Variants in ATP7A observed in about 807,000 individuals in gnomAD.
The protein encoded by ATP7A is copper-transporting ATPase 1.
Under a neutral mutation model 83.5 loss-of-function variants are expected in ATP7A, and 7 were observed. The ratio of observed to expected loss-of-function variants is 0.08; its 90% CI spans 0.05 to 0.16. ATP7A has a LOEUF of 0.16. Ranked by LOEUF, ATP7A falls within the 10% of genes least tolerant of loss-of-function variation. ATP7A has a pLI of 1.00. For synonymous variants in ATP7A, 354 were observed against 395.2 expected (o/e 0.90, Z 1.24); for missense variants, 940 against 1,120.8 (o/e 0.84, Z 2.30).
intron 2 of ATP7A, among the ~76,000 whole-genome samples, chrX:77,986,147 T>A (rs988562328): frequency 9.8e-5 from 11 of 111,888 alleles, no homozygotes; most frequent in Admixed American, 6.7e-4. Flanking sequence ...CTGTTTTGGA[T>A]CATTTATGCT....
chrX:77,931,760 G>A (rs2077278823), intron 1 of ATP7A, among the ~76,000 whole-genome samples: 1 of 104,391 alleles, frequency 9.6e-6, no homozygotes. Flanking sequence ...GCGGCTGGCC[G>A]GGTGGGGGGC....
At chrX:77,932,039 C>T (rs1277806945) in intron 1 of ATP7A, among the ~76,000 whole-genome samples, 2 of 105,476 alleles carry the variant, frequency 1.9e-5, no homozygotes, top group African/African-American at 7.0e-5. Context: ...GCTGGCCTGG[C>T]GGGGGCTGAC....
chrX:77,917,409 T>G (rs1215736829), intron 1 of ATP7A, among the ~76,000 whole-genome samples: 1 of 111,701 alleles, frequency 9.0e-6, no homozygotes, highest in African/African-American at 3.3e-5. Flanking sequence ...TGTTTAAGTT[T>G]AGAATTTTAT....
chrX:78,042,700 C>T lies in ATP7A; in HGVS notation c.3917C>T (p.Ser1306Phe). 8.3e-7 allele frequency: 1 copy of T among 1,211,644 alleles called. No individual in the cohort carries two copies. The highest frequency in any genetic ancestry group is 1.1e-6 in the Non-Finnish European group (1 of 895,524). ...VAMVGDGIND[S>F]PALAMANVGI... The stretch of plus-strand genomic sequence containing the variant: ...ATGGTGGGAGATGGAATCAATGACT[C>T]CCCAGCTCTGGCAATGGCTAATGTG... The change falls in exon 20 of 23, where the codon TCC becomes TTC. Residue 1306 changes from serine (S) to phenylalanine (F), a missense_variant. Physicochemically the swap from Ser to Phe is radical, Grantham distance 155. This residue lies in a region of ATP7A where 386 missense variants were observed against 502.2 expected (regional missense o/e 0.77). Coordinates refer to ENST00000341514, the MANE Select transcript of ATP7A (RefSeq NM_000052.7).
chrX:77,953,640 T>C lies in ATP7A; in HGVS notation c.-21-17981T>C, dbSNP rs1052544215. ...TTAGCCCCTGTTGGAAAGGCACATA[T>C]ATACTTGAGGCATATTTCTCACTTT... On this transcript the variant is annotated intron_variant, in intron 1 of 22. Coordinates refer to ENST00000341514, the MANE Select transcript of ATP7A (RefSeq NM_000052.7). 2.2e-4 allele frequency among the ~76,000 whole-genome samples: 25 copies of C among 112,384 alleles called. 1 individual carries two copies. Among genetic ancestry groups the C allele is most frequent in the African/African-American group, 6.8e-4 (21 of 30,901 alleles).
intron 1 of ATP7A, among the ~76,000 whole-genome samples, chrX:77,956,997 A>G (rs1453247245): frequency 9.2e-6 from 1 of 108,811 alleles, no homozygotes; most frequent in Non-Finnish European, 1.9e-5. Flanking sequence ...GAGTTTTGCC[A>G]TGTTGCCCAG....
At chrX:77,958,847 G>A (rs1423803204) in intron 1 of ATP7A, among the ~76,000 whole-genome samples, 1 of 95,245 alleles carries the variant, frequency 1.0e-5, no homozygotes, top group Non-Finnish European at 2.0e-5. Flanking sequence ...GGAATGCAAT[G>A]GCATGATCTC....
intron 1 of ATP7A, among the ~76,000 whole-genome samples, chrX:77,939,900 C>CA (rs1214330241): frequency 4.8e-5 from 5 of 103,814 alleles, no homozygotes; most frequent in Non-Finnish European, 9.9e-5. Context: ...CCCCCAAAAA[C>CA]AAAAAAATAC....
chrX:77,938,972 A>G (rs2077335773), intron 1 of ATP7A, among the ~76,000 whole-genome samples: 1 of 112,006 alleles, frequency 8.9e-6, no homozygotes, highest in African/African-American at 3.2e-5. Context: ...TATTTTACCA[A>G]TTCCCATTTT....
intron 4 of ATP7A, among the ~76,000 whole-genome samples, chrX:77,994,550 T>G (rs1557232352): frequency 1.8e-5 from 2 of 110,663 alleles, no homozygotes. Context: ...AGTAACTTTT[T>G]TTTTTTTGAG....
At chrX:78,041,234 T>C (rs1170761339) in intron 19 of ATP7A, among the ~76,000 whole-genome samples, 4 of 111,872 alleles carry the variant, frequency 3.6e-5, no homozygotes, top group African/African-American at 1.3e-4. Context: ...TTCTCCCCTC[T>C]TCTAATAAAT....
At chrX:78,034,262 A>T (rs1172998455) in intron 17 of ATP7A, among the ~76,000 whole-genome samples, 1 of 111,440 alleles carries the variant, frequency 9.0e-6, no homozygotes. Context: ...CTTCATCTAG[A>T]TCCCACCCTC....
intron 2 of ATP7A, among the ~76,000 whole-genome samples, chrX:77,978,223 G>C (rs1266343252): frequency 9.0e-6 from 1 of 111,546 alleles, no homozygotes; most frequent in African/African-American, 3.3e-5. Flanking sequence ...TGACTAAGGG[G>C]AGGTTGAGTT....
intron 2 of ATP7A, among the ~76,000 whole-genome samples, chrX:77,987,444 T>TTG (rs3986431): frequency 0.38 from 32,598 of 85,459 alleles, 5,449 homozygotes; most frequent in East Asian, 0.48. Flanking sequence ...AACCCAGTAT[T>TTG]TGTGTGTGTG....
intron 6 of ATP7A, among the ~76,000 whole-genome samples, chrX:78,007,613 C>T (rs1255419376): frequency 8.9e-6 from 1 of 112,443 alleles, no homozygotes; most frequent in Non-Finnish European, 1.9e-5. Context: ...GCGTGAGCCA[C>T]CGCGCCCGAC....
Position 77,982,693 on chromosome X carries a change from G to A in ATP7A, c.121-5549G>A, listed in dbSNP as rs186455162. ...TTCCAAGGAAATTGTAGATTATTTA[G>A]CATAATCATTTATAGATGTAAAGAG... On this transcript the variant is annotated intron_variant, in intron 2 of 22. Coordinates refer to ENST00000341514, the MANE Select transcript of ATP7A (RefSeq NM_000052.7). Among the ~76,000 whole-genome samples, 236 of 112,147 alleles carry A rather than the reference G, an allele frequency of 2.1e-3. 3 individuals are homozygous for A. Among genetic ancestry groups the A allele is most frequent in the African/African-American group, 7.4e-3 (228 of 30,932 alleles).
intron 1 of ATP7A, among the ~76,000 whole-genome samples, chrX:77,934,206 G>A (rs1557224841): frequency 1.8e-5 from 2 of 110,840 alleles, no homozygotes; most frequent in Non-Finnish European, 3.8e-5. Context: ...TTGAGCTCAC[G>A]AGGTTGAGAC....
At position 78,011,947 on chromosome X, in the gene ATP7A, A is replaced by ATT. The variant is rs373689911; in HGVS notation, c.2172+285_2172+286dup. On this transcript the variant is annotated intron_variant, in intron 9 of 22. Coordinates refer to ENST00000341514, the MANE Select transcript of ATP7A (RefSeq NM_000052.7). Reference sequence around the variant, plus strand: ...TTTATTTTTAAATTTTTATTTATCTATTTTTTTTTTTTTAGAGATGGGGTT... The same window carrying ATT: ...TTTATTTTTAAATTTTTATTTATCTATTTTTTTTTTTTTTTAGAGATGGGGTT... Among the ~76,000 whole-genome samples the ATT allele has an allele frequency of 3.0e-4, 30 of 99,895 alleles. 1 individual carries two copies. The highest frequency in any genetic ancestry group is 1.1e-4 in the Admixed American group (1 of 9,177). The allele number at this position is 99,895 out of a possible 115,157, so 86.7% of individuals were successfully genotyped here.
At chrX:78,037,523 G>C (rs943278714) in intron 17 of ATP7A, among the ~76,000 whole-genome samples, 1 of 111,162 alleles carries the variant, frequency 9.0e-6, no homozygotes, top group Non-Finnish European at 1.9e-5. Flanking sequence ...ACCCCAAGGA[G>C]TGAGAGTAGA....
Sources: allele counts gnomAD v4.1 joint callset (sites outside exome capture counted in the v4.1 genomes callset), GRCh38; gene constraint gnomAD v4.1.1; regional missense constraint gnomAD v4.1.1; transcripts MANE v1.5; gene names NCBI Gene and HGNC (gene_info 2026-07-23, HGNC 2026-07-21).